The following TBX4 variants were observed in gnomAD, a reference collection of about 807,000 sequenced individuals.
The protein encoded by TBX4 is T-box transcription factor TBX4.
In TBX4, 13 loss-of-function variants were observed where a neutral mutation model predicts 54.6. That is an observed-to-expected ratio of 0.24 (90% CI 0.15 to 0.38). The LOEUF is 0.38. Ranked by LOEUF, TBX4 falls within the 10% of genes least tolerant of loss-of-function variation. The pLI is 1.00. For missense variants in TBX4, 631 were observed against 728.5 expected (o/e 0.87, Z 1.54); for synonymous variants, 314 against 306.7 (o/e 1.02, Z -0.25).
Position 61,477,326 on chromosome 17 carries a change from A to G in TBX4, c.550-1301A>G, listed in dbSNP as rs1040640787. On this transcript the variant is annotated intron_variant, in intron 5 of 8. Coordinates refer to ENST00000644296, the MANE Select transcript of TBX4 (RefSeq NM_001321120.2). The stretch of plus-strand genomic sequence containing the variant: ...CAGCTGCTACCGTGGGGCGCAGCCA[A>G]ATGAAGCAGGTTTGGAGCAGCAACT... 2.0e-5 allele frequency among the ~76,000 whole-genome samples: 3 copies of G among 152,238 alleles called. No individual in the cohort carries two copies. The South Asian group carries it at 6.2e-4, about 32-fold the overall frequency.
At chr17:61,463,011 C>A (rs1486275601) in intron 3 of TBX4, 2 of 152,366 alleles carry the variant, frequency 1.3e-5, no homozygotes, top group Non-Finnish European at 2.9e-5. Flanking sequence ...TCGACCTGGG[C>A]AGGAAGCCAA....
intron 1 of TBX4, among the ~76,000 whole-genome samples, chr17:61,453,560 C>T (rs2060427887): frequency 6.6e-6 from 1 of 152,048 alleles, no homozygotes; most frequent in Non-Finnish European, 1.5e-5. Flanking sequence ...GTCACAAGAA[C>T]ATTATAAATA....
In TBX4 at chr17:61,479,511, G is replaced by C. The variant is rs2060647693; in HGVS notation, c.703-370G>C. On this transcript the variant is annotated intron_variant, in intron 6 of 8. Coordinates refer to ENST00000644296, the MANE Select transcript of TBX4 (RefSeq NM_001321120.2). The surrounding 1 kb of genome is among the most constrained non-coding windows in gnomAD (Gnocchi z 6.1). ...GCAGGCCCGGGATGCTCACTGGGAA[G>C]ATGTTACAGGTCCCCAGGAGAGACC... Among the ~76,000 whole-genome samples the C allele has an allele frequency of 6.6e-6, 1 of 152,208 alleles. No homozygotes were observed. The highest frequency in any genetic ancestry group is 1.5e-5 in the Non-Finnish European group (1 of 68,030).
chr17:61,473,340 T>A (rs1425146850), intron 5 of TBX4, among the ~76,000 whole-genome samples: 1 of 152,194 alleles, frequency 6.6e-6, no homozygotes, highest in Non-Finnish European at 1.5e-5. Context: ...ACCATGAGGT[T>A]TCCAATCACT....
chr17:61,457,624 G>A lies in TBX4; in HGVS notation c.274G>A (p.Ala92Thr). 2.5e-6 allele frequency: 4 copies of A among 1,613,970 alleles called. No homozygotes were observed. The highest frequency in any genetic ancestry group is 3.4e-6 in the Non-Finnish European group (4 of 1,179,946). ...EAGTEMIITK[A>T]GRRMFPSYKV... ...GGGCACCGAGATGATCATCACTAAG[G>A]CTGGCAGGTCAGCGCTGGGAGATTT... Residue 92 changes from alanine to threonine, a missense_variant, in exon 3 of 9, where the codon GCT (alanine) becomes ACT (threonine). Physicochemically the swap from Ala to Thr is moderately conservative, Grantham distance 58 (BLOSUM62 0). Transcript: ENST00000644296. This position sits in a 1 kb window ranked among gnomAD's most constrained non-coding sequence, Gnocchi z 8.2.
chr17:61,459,715 T>C lies in TBX4; in HGVS notation c.281+2084T>C, dbSNP rs2060481172. Among the ~76,000 whole-genome samples, 1 of 152,230 alleles carries C rather than the reference T, an allele frequency of 6.6e-6. No homozygotes were observed. Among genetic ancestry groups the C allele is most frequent in the East Asian group, 1.9e-4 (1 of 5,192 alleles). The stretch of plus-strand genomic sequence containing the variant: ...CTTAGAGATGGACCTTAGGGAATTA[T>C]GATAATATTTCTAAAATGGCTGTGA... On this transcript the variant is annotated intron_variant, in intron 3 of 8. Transcript: ENST00000644296. This position sits in a 1 kb window ranked among gnomAD's most constrained non-coding sequence, Gnocchi z 4.8.
At chr17:61,454,039 G>A (rs1158464548) in intron 1 of TBX4, among the ~76,000 whole-genome samples, 1 of 152,222 alleles carries the variant, frequency 6.6e-6, no homozygotes, top group Non-Finnish European at 1.5e-5. Flanking sequence ...ATAGTATTAT[G>A]AATGTGCCAG....
At position 61,474,302 on chromosome 17, in the gene TBX4, T is replaced by C. The variant is rs183720136; in HGVS notation, c.550-4325T>C. On this transcript the variant is annotated intron_variant, in intron 5 of 8. Transcript: ENST00000644296. The surrounding 1 kb of genome is among the most constrained non-coding windows in gnomAD (Gnocchi z 4.6). ...ACCCAAGTCCCTTACAGTGTTTAATTGGCACCTTCTCATTAACTCTGAGCT... is the reference window on the plus strand; with the variant it reads ...ACCCAAGTCCCTTACAGTGTTTAATCGGCACCTTCTCATTAACTCTGAGCT... Among the ~76,000 whole-genome samples the C allele has an allele frequency of 3.0e-4, 45 of 152,324 alleles. No individual in the cohort carries two copies. Among genetic ancestry groups the C allele is most frequent in the African/African-American group, 1.1e-3 (45 of 41,570 alleles).
chr17:61,479,930 G>C lies in TBX4; in HGVS notation c.752G>C (p.Gly251Ala). 6.2e-7 allele frequency: 1 copy of C among 1,614,130 alleles called. No homozygotes were observed. Among genetic ancestry groups the C allele is most frequent in the Non-Finnish European group, 8.5e-7 (1 of 1,180,020 alleles). Residue 251 changes from glycine to alanine, a missense_variant, in exon 7 of 9, where the codon GGC (glycine) becomes GCC (alanine). Physicochemically the swap from Gly to Ala is moderately conservative, Grantham distance 60. Coordinates refer to ENST00000644296, the MANE Select transcript of TBX4 (RefSeq NM_001321120.2). The surrounding 1 kb of genome is among the most constrained non-coding windows in gnomAD (Gnocchi z 6.1). ...ENNPFAKGFR[G>A]SDDSDLRVAR... ...AACCCTTTTGCCAAGGGATTCCGGG[G>C]CAGTGATGACAGTGACCTGCGTGTG...
At position 61,475,824 on chromosome 17, in the gene TBX4, CA is replaced by C. The variant is rs1016605724; in HGVS notation, c.550-2802del. ...GGTCTTTGTTCTCCCTTTGCGCTGC[CA>C]CCTTTGGAGAGCTAGAGTGACTGGG... On this transcript the variant is annotated intron_variant, in intron 5 of 8. Transcript: ENST00000644296. This position sits in a 1 kb window ranked among gnomAD's most constrained non-coding sequence, Gnocchi z 5.0. 2.6e-5 allele frequency among the ~76,000 whole-genome samples: 4 copies of C among 152,180 alleles called. No homozygotes were observed. The highest frequency in any genetic ancestry group is 5.9e-5 in the Non-Finnish European group (4 of 68,042).
At chr17:61,452,655 G>T (rs955403711) in intron 1 of TBX4, 78 bp downstream of exon 1, 1 of 152,684 alleles carries the variant, frequency 6.5e-6, no homozygotes. Context: ...GTTAGGCTGC[G>T]GGGACGGACA....
intron 5 of TBX4, among the ~76,000 whole-genome samples, chr17:61,470,337 G>A (rs2060568067): frequency 6.6e-6 from 1 of 152,182 alleles, no homozygotes; most frequent in Admixed American, 6.5e-5. Flanking sequence ...GATAATCCGG[G>A]TTTTCCTATC....
Position 61,483,472 on chromosome 17 carries a change from T to C in TBX4, c.1597T>C (p.Tyr533His). The C allele has an allele frequency of 6.2e-7, 1 of 1,614,192 alleles. No homozygotes were observed. The highest frequency in any genetic ancestry group is 8.5e-7 in the Non-Finnish European group (1 of 1,180,032). ...FSLSRESSLQ[Y>H]HSGMGTVENW... ...CTTGTCCCGAGAATCTTCCTTACAG[T>C]ACCATTCAGGAATGGGGACTGTGGA... The change falls in exon 9 of 9, where the codon TAC (tyrosine) becomes CAC (histidine). Residue 533 changes from tyrosine to histidine, a missense_variant. Coordinates refer to ENST00000644296, the MANE Select transcript of TBX4 (RefSeq NM_001321120.2). The surrounding 1 kb of genome is among the most constrained non-coding windows in gnomAD (Gnocchi z 6.6).
intron 5 of TBX4, among the ~76,000 whole-genome samples, chr17:61,470,858 C>T (rs377076236): frequency 2.0e-5 from 3 of 152,240 alleles, no homozygotes; most frequent in Non-Finnish European, 2.9e-5. Context: ...CTGCTTCCCT[C>T]GGCTTTCTTC....
chr17:61,472,282 C>G lies in TBX4; in HGVS notation c.549+4625C>G, dbSNP rs1480661316. 6.6e-6 allele frequency among the ~76,000 whole-genome samples: 1 copy of G among 152,208 alleles called. No individual in the cohort carries two copies. Among genetic ancestry groups the G allele is most frequent in the East Asian group, 1.9e-4 (1 of 5,204 alleles). On this transcript the variant is annotated intron_variant, in intron 5 of 8. Coordinates refer to ENST00000644296, the MANE Select transcript of TBX4 (RefSeq NM_001321120.2). The surrounding 1 kb of genome is among the most constrained non-coding windows in gnomAD (Gnocchi z 4.5). ...GGGAGCTGTACTGATGTATATATTT[C>G]CACCACTGCTGTGGCCTTACCAATA...
rs2060498143 is a variant in TBX4, at chr17:61,462,091, G to A, written c.282-3728G>A. Among the ~76,000 whole-genome samples, 1 of 152,164 alleles carries A rather than the reference G, an allele frequency of 6.6e-6. No individual in the cohort carries two copies. The highest frequency in any genetic ancestry group is 1.5e-5 in the Non-Finnish European group (1 of 68,026). Reference sequence around the variant, plus strand: ...GTGAGTTCGCAGTTACGGGTTTGTTGCCAGAATTAAAAAAGCCCCAAACCC... The same window carrying A: ...GTGAGTTCGCAGTTACGGGTTTGTTACCAGAATTAAAAAAGCCCCAAACCC... On this transcript the variant is annotated intron_variant, in intron 3 of 8. Coordinates refer to ENST00000644296, the MANE Select transcript of TBX4 (RefSeq NM_001321120.2). The surrounding 1 kb of genome is among the most constrained non-coding windows in gnomAD (Gnocchi z 4.5).
rs916248978 is a variant in TBX4, at chr17:61,461,402, C to A, written c.281+3771C>A. The stretch of plus-strand genomic sequence containing the variant: ...CCAGCAGCCCCACTCCTAACCCCAG[C>A]CTTGGATGCTGGGCCCTGGCCTCTT... On this transcript the variant is annotated intron_variant, in intron 3 of 8. Transcript: ENST00000644296. The surrounding 1 kb of genome is among the most constrained non-coding windows in gnomAD (Gnocchi z 5.1). Among the ~76,000 whole-genome samples, 2 of 152,146 alleles carry A rather than the reference C, an allele frequency of 1.3e-5. No homozygotes were observed. The highest frequency in any genetic ancestry group is 4.8e-5 in the African/African-American group (2 of 41,424).
chr17:61,453,508 A>T (rs577095118), intron 1 of TBX4, among the ~76,000 whole-genome samples: 51 of 152,316 alleles, frequency 3.3e-4, no homozygotes, highest in Admixed American at 2.9e-3. Flanking sequence ...ATTAACAAGA[A>T]TTGCTGGAGT....
At chr17:61,482,833 A>T in intron 8 of TBX4, 64 bp from the exon 9 acceptor site, 1 of 1,598,910 alleles carries the variant, frequency 6.3e-7, no homozygotes, top group Admixed American at 1.7e-5. Flanking sequence ...CCAGCATCCA[A>T]CAGGGTGCTC....
Sources: allele counts gnomAD v4.1 joint callset (sites outside exome capture counted in the v4.1 genomes callset), GRCh38; gene constraint gnomAD v4.1.1; non-coding constraint Gnocchi (gnomAD v3.1); transcripts MANE v1.5; gene names NCBI Gene and HGNC (gene_info 2026-07-23, HGNC 2026-07-21).